The following HRH1 variants were observed in gnomAD, a reference collection of about 807,000 sequenced individuals.
The protein encoded by HRH1 is histamine receptor H1.
In HRH1, 6 loss-of-function variants were observed where a neutral mutation model predicts 10.3. The observed-to-expected ratio is 0.58, with a 90% CI of 0.32 to 1.15. The LOEUF (loss-of-function observed/expected upper bound fraction) is 1.15. Ranked by LOEUF, HRH1 falls within the 50% of genes most tolerant of loss-of-function variation. The pLI, the probability that HRH1 is intolerant of heterozygous loss-of-function variation, is 0.05. For missense variants in HRH1, 514 were observed against 615.3 expected (o/e 0.84, Z 1.74); for synonymous variants, 242 against 236.7 (o/e 1.02, Z -0.21).
chr3:11,188,745 T>C (rs541632811), intron 1 of HRH1, among the ~76,000 whole-genome samples: 2 of 152,228 alleles, frequency 1.3e-5, no homozygotes, highest in South Asian at 4.1e-4. Flanking sequence ...TCTTGAAAAA[T>C]ATATGATGAC....
rs971320521 is a variant in HRH1 at position 11,245,814 on chromosome 3, A to G, written c.-35-13189A>G. ...TTCCCTGTCTCAATTGATCCTCCCA[A>G]TGGCCCAGGCAGGAGGGCTTACTAG... is the stretch of plus-strand genomic sequence containing the variant. On this transcript the variant is annotated intron_variant, in intron 1 of 1. Transcript: ENST00000431010. 7.2e-5 allele frequency among the ~76,000 whole-genome samples: 11 copies of G among 152,170 alleles called. 1 individual carries two copies. Among genetic ancestry groups the G allele is most frequent in the African/African-American group, 2.6e-4 (11 of 41,526 alleles).
At chr3:11,149,593 GCT>G, upstream of HRH1, among the ~76,000 whole-genome samples, 1 of 152,320 alleles carries the variant, frequency 6.6e-6, no homozygotes, top group African/African-American at 2.4e-5. Context: ...CATTCTATGT[GCT>G]CTTTTCCATG....
chr3:11,232,145 G>A (rs1213067884), intron 1 of HRH1, among the ~76,000 whole-genome samples: 1 of 151,992 alleles, frequency 6.6e-6, no homozygotes, highest in Non-Finnish European at 1.5e-5. Context: ...GTGCCACCGT[G>A]CCCAGCTAAT....
intron 1 of HRH1, among the ~76,000 whole-genome samples, chr3:11,162,559 A>T (rs563093294): frequency 6.7e-6 from 1 of 149,860 alleles, no homozygotes; most frequent in African/African-American, 2.5e-5. Context: ...GCTCTACGAG[A>T]TGCATATTCA....
rs201449892 is a variant in HRH1, at chr3:11,262,936, T to C, written c.*2435T>C. ...ATACCATGTGCCAGGCTTTGTGTTT[T>C]ATCTAATGTTATCTAATGGTATTGG... On this transcript the variant is annotated 3_prime_UTR_variant, in exon 2 of 2. Coordinates refer to ENST00000431010, the MANE Select transcript of HRH1 (RefSeq NM_001098212.2). 5.0e-4 allele frequency: 84 copies of C among 167,250 alleles called. No homozygotes were observed. The highest frequency in any genetic ancestry group is 1.9e-3 in the African/African-American group (80 of 41,598). The allele number at this position is 167,250 out of a possible 1,614,324, so 10.4% of individuals were successfully genotyped here. A position where few individuals can be genotyped will look rare whatever the true frequency, so the allele number is the denominator to read the frequency against.
intron 1 of HRH1, among the ~76,000 whole-genome samples, chr3:11,158,467 A>G (rs1936860690): frequency 1.3e-5 from 2 of 152,242 alleles, no homozygotes; most frequent in African/African-American, 4.8e-5. Context: ...ATATAAATCC[A>G]GGTTGCTCTG....
intron 1 of HRH1, among the ~76,000 whole-genome samples, chr3:11,174,501 C>A (rs895484140): frequency 1.3e-5 from 2 of 152,112 alleles, no homozygotes; most frequent in African/African-American, 4.8e-5. Context: ...GGAGATGATG[C>A]CTATTGGGAC....
chr3:11,261,892 C>T lies in HRH1; in HGVS notation c.*1391C>T, dbSNP rs966344417. 6.0e-6 allele frequency: 1 copy of T among 167,026 alleles called. No homozygotes were observed. Among genetic ancestry groups the T allele is most frequent in the Admixed American group, 6.5e-5 (1 of 15,280 alleles). The allele number at this position is 167,026 out of a possible 1,614,324, so 10.3% of individuals were successfully genotyped here. On this transcript the variant is annotated 3_prime_UTR_variant, in exon 2 of 2. Coordinates refer to ENST00000431010, the MANE Select transcript of HRH1 (RefSeq NM_001098212.2). ...GCCCTCTTAAGTGTGCACAGATACA[C>T]ATACACGGTATTCCCAAGAGTGGTG...
intron 1 of HRH1, among the ~76,000 whole-genome samples, chr3:11,146,843 C>T (rs1334461338): frequency 6.6e-6 from 1 of 152,180 alleles, no homozygotes; most frequent in Non-Finnish European, 1.5e-5. Flanking sequence ...TTTCTGTGCA[C>T]TTGAAAGGGG....
At chr3:11,247,846 G>A (rs539364068) in intron 1 of HRH1, among the ~76,000 whole-genome samples, 8 of 152,240 alleles carry the variant, frequency 5.3e-5, no homozygotes, top group Non-Finnish European at 1.0e-4. Context: ...TTTGGTGAGC[G>A]CTGTTTCTAT....
rs570759987 is a variant in HRH1 at position 11,256,955 on chromosome 3, G to A, written c.-35-2048G>A. Among the ~76,000 whole-genome samples, 18 of 151,922 alleles carry A rather than the reference G, an allele frequency of 1.2e-4. No homozygotes were observed. In the South Asian group the frequency reaches 2.5e-3, roughly 21 times the overall value. On this transcript the variant is annotated intron_variant, in intron 1 of 1. Transcript: ENST00000431010. ...AAACTCACCACTTTTTGATGAATAT[G>A]AAAATCTAAAAACTTGGCCGGGCGC...
At chr3:11,156,484 A>G (rs949077772) in intron 1 of HRH1, among the ~76,000 whole-genome samples, 3 of 152,120 alleles carry the variant, frequency 2.0e-5, no homozygotes, top group South Asian at 2.1e-4. Flanking sequence ...CCTCTTCACA[A>G]TGAAGGAGTG....
chr3:11,147,591 G>A (rs1410232195), intron 1 of HRH1, among the ~76,000 whole-genome samples: 1 of 151,984 alleles, frequency 6.6e-6, no homozygotes, highest in Non-Finnish European at 1.5e-5. Flanking sequence ...ACAAGACTGT[G>A]ATCCCATTCC....
chr3:11,209,699 C>G (rs1358354594), intron 1 of HRH1, among the ~76,000 whole-genome samples: 1 of 152,204 alleles, frequency 6.6e-6, no homozygotes, highest in Admixed American at 6.5e-5. Context: ...TGTAGGGCCT[C>G]TTCTCGCTTG....
At chr3:11,203,139 A>G (rs12493961) in intron 1 of HRH1, among the ~76,000 whole-genome samples, 17,611 of 152,178 alleles carry the variant, frequency 0.12, 2,063 homozygotes, top group African/African-American at 0.3. Context: ...ACCATAGTTT[A>G]CCCATTCACT....
upstream of HRH1, chr3:11,154,465 C>G (rs922314240): frequency 3.8e-4 from 26 of 68,356 alleles, no homozygotes; most frequent in South Asian, 0.013. The surrounding 1 kb of genome is among the most constrained non-coding windows in gnomAD (Gnocchi z 4.4). Context: ...CCCGAGAGCT[C>G]CCCGGCGCCC....
chr3:11,199,064 C>T lies in HRH1; in HGVS notation c.-36+44510C>T, dbSNP rs537220723. Among the ~76,000 whole-genome samples the T allele has an allele frequency of 5.3e-5, 8 of 152,180 alleles. No individual in the cohort carries two copies. The South Asian group carries it at 1.7e-3, about 32-fold the overall frequency. On this transcript the variant is annotated intron_variant, in intron 1 of 1. Transcript: ENST00000431010. ...TCATCCTCCCAAGTTGCTAGAATTA[C>T]AGGTGCATTCCACCACATGTGGCTA...
intron 1 of HRH1, among the ~76,000 whole-genome samples, chr3:11,207,913 T>C (rs1287097742): frequency 6.6e-6 from 1 of 152,142 alleles, no homozygotes; most frequent in Non-Finnish European, 1.5e-5. Context: ...GCGGGCGTCA[T>C]TGACCACCAA....
intron 1 of HRH1, among the ~76,000 whole-genome samples, chr3:11,157,267 G>A (rs550853140): frequency 6.6e-6 from 1 of 152,282 alleles, no homozygotes; most frequent in East Asian, 1.9e-4. Context: ...CAGGATGAAT[G>A]TCAGGATGGA....
Sources: gnomAD v4.1 joint callset for allele counts (sites outside exome capture counted in the v4.1 genomes callset) on GRCh38, gnomAD v4.1.1 for gene constraint, Gnocchi (gnomAD v3.1) non-coding constraint, MANE v1.5 for transcripts, NCBI Gene and HGNC (gene_info 2026-07-23, HGNC 2026-07-21) for gene names.